WDR49: variants seen among roughly 807,000 people sequenced by gnomAD.
WDR49 encodes WD repeat domain 49.
In WDR49, 107 loss-of-function variants were observed where a neutral mutation model predicts 119.5. The ratio of observed to expected loss-of-function variants is 0.90; its 90% confidence interval spans 0.77 to 1.05. WDR49 has a LOEUF of 1.05. WDR49 is among the 50% of genes least tolerant of loss of function. The pLI, the probability that WDR49 is intolerant of heterozygous loss-of-function variation, is 0.00. For missense variants in WDR49, 1,240 were observed against 1,220.5 expected (o/e 1.02, Z -0.24); for synonymous variants, 425 against 418.8 (o/e 1.01, Z -0.18).
At chr3:167,532,231 C>T (rs776828795) in intron 12 of WDR49, among the ~76,000 whole-genome samples, 6 of 152,116 alleles carry the variant, frequency 3.9e-5, no homozygotes, top group Non-Finnish European at 5.9e-5. Context: ...GTTGAGACAA[C>T]AGAACCTCAC....
rs530834594 is a variant in WDR49, at chr3:167,626,973, C to G, written c.485G>C (p.Gly162Ala). 1.5e-6 allele frequency: 2 copies of G among 1,339,174 alleles called. No homozygotes were observed. Among genetic ancestry groups the G allele is most frequent in the East Asian group, 5.6e-5 (2 of 35,536 alleles). The allele number at this position is 1,339,174 out of a possible 1,614,324, so 83.0% of individuals were successfully genotyped here. ...ATGCTCTCCCCAGATTGCCAATAAA[C>G]CTTCTTTACTAATTGTCAGATAATG... ...SSHYLTISKE[G>A]LLAIWGEHLK... Residue 162 changes from glycine to alanine, a missense_variant, in exon 3 of 19, where the codon GGT (glycine) becomes GCT (alanine). Physicochemically the swap from Gly to Ala is moderately conservative, Grantham distance 60. Transcript: ENST00000682715.
intron 10 of WDR49, among the ~76,000 whole-genome samples, chr3:167,552,102 AGCT>A (rs1712608758): frequency 6.6e-6 from 1 of 152,120 alleles, no homozygotes; most frequent in Admixed American, 6.6e-5. Flanking sequence ...ACCCTAAGCA[AGCT>A]GCTATTTGAT....
At chr3:167,645,016 A>T (rs1050701147) in intron 2 of WDR49, among the ~76,000 whole-genome samples, 1 of 151,962 alleles carries the variant, frequency 6.6e-6, no homozygotes, top group African/African-American at 2.4e-5. Flanking sequence ...ACATTAAAAA[A>T]GCTACATGAG....
chr3:167,504,323 C>T (rs1406003632), intron 17 of WDR49, among the ~76,000 whole-genome samples: 1 of 152,186 alleles, frequency 6.6e-6, no homozygotes, highest in African/African-American at 2.4e-5. Flanking sequence ...CTGTGCAAGA[C>T]CTTGGCAGCC....
chr3:167,616,605 A>C (rs1484797321), intron 5 of WDR49, among the ~76,000 whole-genome samples: 2 of 152,092 alleles, frequency 1.3e-5, no homozygotes, highest in African/African-American at 2.4e-5. Context: ...TGGAAAGGCA[A>C]ATAATTAGAG....
intron 10 of WDR49, among the ~76,000 whole-genome samples, chr3:167,544,417 C>G (rs1004981718): frequency 1.3e-5 from 2 of 152,000 alleles, no homozygotes; most frequent in South Asian, 4.1e-4. Context: ...TCAACCTATA[C>G]TACAAGGCTA....
intron 7 of WDR49, among the ~76,000 whole-genome samples, chr3:167,577,365 C>A (rs1714302429): frequency 6.6e-6 from 1 of 152,050 alleles, no homozygotes; most frequent in Non-Finnish European, 1.5e-5. Flanking sequence ...GTCATCAAGA[C>A]CTTGTTTACT....
chr3:167,553,435 T>A (rs1712697727), intron 10 of WDR49, among the ~76,000 whole-genome samples: 1 of 152,122 alleles, frequency 6.6e-6, no homozygotes, highest in South Asian at 2.1e-4. Flanking sequence ...AATTTTCCCT[T>A]GTAAGCAATC....
chr3:167,650,004 C>A (rs146818531), intron 2 of WDR49, among the ~76,000 whole-genome samples: 66 of 152,224 alleles, frequency 4.3e-4, no homozygotes, highest in Non-Finnish European at 7.8e-4. Flanking sequence ...ACCAAACGGG[C>A]AGCAATTAAT....
At chr3:167,542,871 A>G (rs1018654562) in intron 10 of WDR49, among the ~76,000 whole-genome samples, 1 of 152,114 alleles carries the variant, frequency 6.6e-6, no homozygotes, top group Non-Finnish European at 1.5e-5. Flanking sequence ...CTTTGAAAAG[A>G]TAAACAAAAT....
chr3:167,643,136 G>A (rs1159851283), intron 2 of WDR49, among the ~76,000 whole-genome samples: 1 of 152,046 alleles, frequency 6.6e-6, no homozygotes, highest in Non-Finnish European at 1.5e-5. Flanking sequence ...ATGAAATCTT[G>A]TTGAAGAATA....
chr3:167,644,125 T>A (rs1285080561), intron 2 of WDR49, among the ~76,000 whole-genome samples: 1 of 151,386 alleles, frequency 6.6e-6, no homozygotes, highest in East Asian at 1.9e-4. Context: ...GTTCTCTATG[T>A]TCTCTCTCTT....
intron 18 of WDR49, among the ~76,000 whole-genome samples, chr3:167,498,781 G>A (rs975734350): frequency 2.6e-5 from 4 of 152,148 alleles, no homozygotes; most frequent in Non-Finnish European, 4.4e-5. Flanking sequence ...TAGAGAGGGG[G>A]TTCAATACAG....
intron 16 of WDR49, among the ~76,000 whole-genome samples, chr3:167,520,566 CT>C (rs1223659955): frequency 1.3e-5 from 2 of 152,126 alleles, no homozygotes; most frequent in African/African-American, 4.8e-5. Context: ...TAAAATGCCA[CT>C]TGACATTTCT....
chr3:167,611,514 T>A (rs765513868), intron 5 of WDR49, among the ~76,000 whole-genome samples: 1 of 152,028 alleles, frequency 6.6e-6, no homozygotes, highest in Non-Finnish European at 1.5e-5. Flanking sequence ...ATTAAACTCT[T>A]TAATCAAAGA....
Position 167,627,034 on chromosome 3 carries a change from T to C in WDR49, c.424A>G (p.Thr142Ala), listed in dbSNP as rs959308301. 22 of 1,325,726 alleles carry C rather than the reference T, an allele frequency of 1.7e-5. No individual in the cohort carries two copies. The highest frequency in any genetic ancestry group is 2.0e-5 in the Non-Finnish European group (21 of 1,039,470). The allele number at this position is 1,325,726 out of a possible 1,614,324, so 82.1% of individuals were successfully genotyped here. The change falls in exon 3 of 19, where the codon ACC (threonine) becomes GCC (alanine). Residue 142 changes from threonine to alanine, a missense_variant. Coordinates refer to ENST00000682715, the MANE Select transcript of WDR49 (RefSeq NM_001366157.1). ...TTTAAGAAAATTACTTTTTGAATGG[T>C]GTCCTTGTGTTTTACTGGGAGGAAT... is the stretch of plus-strand genomic sequence containing the variant. ...LEFLPVKHKDTIQKVIFLKNS... is the reference protein window; with the variant it reads ...LEFLPVKHKDAIQKVIFLKNS...
chr3:167,634,271 A>G (rs1717512793), intron 2 of WDR49, among the ~76,000 whole-genome samples: 2 of 151,972 alleles, frequency 1.3e-5, no homozygotes, highest in South Asian at 4.1e-4. Context: ...ATGAGCCATT[A>G]GAAAACATAA....
At chr3:167,578,616 A>T (rs79081082) in intron 7 of WDR49, among the ~76,000 whole-genome samples, 4,229 of 152,242 alleles carry the variant, frequency 0.028, 86 homozygotes, top group Admixed American at 0.04. Context: ...ATGTTTATAC[A>T]TTAATTATTG....
In WDR49 at chr3:167,505,480, G is replaced by T. The variant is rs1751731970; in HGVS notation, c.2775-64C>A. 30 of 1,418,794 alleles carry T rather than the reference G, an allele frequency of 2.1e-5. 1 individual carries two copies. The South Asian group carries it at 3.5e-4, about 17-fold the overall frequency. 87.9% of individuals were successfully genotyped at this position (1,418,794 alleles called of 1,614,324 possible). On this transcript the variant is annotated intron_variant, in intron 16 of 18. Transcript: ENST00000682715. The stretch of plus-strand genomic sequence containing the variant: ...CACAGGGATGGAGAAACTCTTTCTG[G>T]CTATGTGTATCTTTGACCAAAAAAA...
Sources: gnomAD v4.1 joint callset for allele counts (sites outside exome capture counted in the v4.1 genomes callset) on GRCh38, gnomAD v4.1.1 for gene constraint, MANE v1.5 for transcripts, NCBI Gene and HGNC (gene_info 2026-07-23, HGNC 2026-07-21) for gene names.